The following TLK1 variants were observed in gnomAD, a reference collection of about 807,000 sequenced individuals.
TLK1 encodes the protein serine/threonine-protein kinase tousled-like 1.
Under a neutral mutation model 105.3 loss-of-function variants are expected in TLK1, and 24 were observed. That is an observed-to-expected ratio of 0.23 (90% CI 0.17 to 0.32). The LOEUF (loss-of-function observed/expected upper bound fraction) is 0.32. TLK1 is among the 10% of genes least tolerant of loss of function. The pLI is 1.00. For synonymous variants in TLK1, 321 were observed against 310.4 expected (o/e 1.03, Z -0.36); for missense variants, 558 against 910.5 (o/e 0.61, Z 4.98).
chr2:171,167,523 A>G (rs1033572632), intron 1 of TLK1, among the ~76,000 whole-genome samples: 1 of 152,222 alleles, frequency 6.6e-6, no homozygotes, highest in Non-Finnish European at 1.5e-5. Context: ...TCATTGCACA[A>G]TTCACAAAAC....
At position 171,022,100 on chromosome 2, in the gene TLK1, C is replaced by CAG. The variant is rs1553605642; in HGVS notation, c.1236+6238_1236+6239insCT. Among the ~76,000 whole-genome samples the CAG allele has an allele frequency of 6.4e-3, 957 of 150,546 alleles. 7 individuals carry two copies. Among genetic ancestry groups the CAG allele is most frequent in the South Asian group, 0.018 (83 of 4,702 alleles). On this transcript the variant is annotated intron_variant, in intron 12 of 20. Transcript: ENST00000431350. ...CCTGGGCGAAAAACACACACACACA[C>CAG]ACACACACACACACACACACACACA...
intron 11 of TLK1, among the ~76,000 whole-genome samples, chr2:171,031,163 A>C (rs528422436): frequency 3.3e-5 from 5 of 152,324 alleles, no homozygotes; most frequent in African/African-American, 9.6e-5. Context: ...CCCAAATGAC[A>C]AAAGAGCCAT....
At chr2:171,062,891 C>T (rs914427185) in intron 3 of TLK1, among the ~76,000 whole-genome samples, 10 of 152,124 alleles carry the variant, frequency 6.6e-5, no homozygotes, top group African/African-American at 2.4e-4. Context: ...CCTAACTGGC[C>T]ATCTACTCAG....
chr2:171,201,877 C>T (rs1226793804), intron 1 of TLK1, among the ~76,000 whole-genome samples: 2 of 152,094 alleles, frequency 1.3e-5, no homozygotes, highest in Middle Eastern at 3.4e-3. Context: ...TGAACTTAGC[C>T]TAAGACCATT....
At chr2:171,106,199 G>C (rs921502461) in intron 2 of TLK1, among the ~76,000 whole-genome samples, 5 of 152,158 alleles carry the variant, frequency 3.3e-5, no homozygotes, top group Admixed American at 6.5e-5. Context: ...GTAGGCGGGA[G>C]GGGACAGCCA....
chr2:171,108,728 C>A (rs1000280659), intron 2 of TLK1, among the ~76,000 whole-genome samples: 1 of 151,968 alleles, frequency 6.6e-6, no homozygotes, highest in Non-Finnish European at 1.5e-5. Context: ...CTCAGCCTCC[C>A]AAGAAGCTGG....
At chr2:171,208,115 C>CTTTTT (rs1333415997) in intron 1 of TLK1, among the ~76,000 whole-genome samples, 7 of 152,088 alleles carry the variant, frequency 4.6e-5, no homozygotes, top group Admixed American at 1.3e-4. Flanking sequence ...ATTTAGTCTT[C>CTTTTT]TTTTTTCTTT....
intron 3 of TLK1, among the ~76,000 whole-genome samples, chr2:171,069,523 A>G (rs1688156059): frequency 6.6e-6 from 1 of 152,212 alleles, no homozygotes. Context: ...GTAGATATCT[A>G]ATGTACAGAG....
intron 1 of TLK1, among the ~76,000 whole-genome samples, chr2:171,130,552 A>G (rs1023241807): frequency 1.3e-5 from 2 of 152,180 alleles, no homozygotes; most frequent in African/African-American, 2.4e-5. Context: ...ATGTTTACTT[A>G]CTAAGTCCCA....
chr2:171,179,606 T>G (rs1363993528), intron 1 of TLK1, among the ~76,000 whole-genome samples: 1 of 152,200 alleles, frequency 6.6e-6, no homozygotes, highest in Non-Finnish European at 1.5e-5. Flanking sequence ...GCAGACAGTA[T>G]TTGTTCTATT....
chr2:171,213,900 T>C (rs539137216), intron 1 of TLK1, among the ~76,000 whole-genome samples: 113 of 146,864 alleles, frequency 7.7e-4, no homozygotes, highest in African/African-American at 2.6e-3. Flanking sequence ...TTAAAAAAAA[T>C]TTTTTTTTTA....
chr2:171,003,195 A>C (rs1254935058), intron 18 of TLK1, among the ~76,000 whole-genome samples: 1 of 137,796 alleles, frequency 7.3e-6, no homozygotes, highest in Non-Finnish European at 1.5e-5. Context: ...AAGGGTGTGG[A>C]CCCGGGAGGC....
At chr2:171,014,483 C>A (rs1248495316) in intron 13 of TLK1, among the ~76,000 whole-genome samples, 3 of 151,848 alleles carry the variant, frequency 2.0e-5, no homozygotes, top group Admixed American at 6.6e-5. Context: ...TATAGGTGAG[C>A]ACCACTGGGC....
intron 2 of TLK1, among the ~76,000 whole-genome samples, chr2:171,108,080 C>CAA (rs1491412460): frequency 1.6e-4 from 10 of 62,984 alleles, no homozygotes; most frequent in African/African-American, 4.9e-4. Context: ...ACAACAACAA[C>CAA]AACAACAAAA....
chr2:171,063,302 C>T (rs910406997), intron 3 of TLK1, among the ~76,000 whole-genome samples: 2 of 152,142 alleles, frequency 1.3e-5, no homozygotes, highest in Admixed American at 1.3e-4. Context: ...GCCAAGATCA[C>T]ACCACTGCAC....
rs1683762032 is a variant in TLK1 at position 170,991,024 on chromosome 2, G to GAGTC, written c.*2752_*2755dup. 1.3e-5 allele frequency: 2 copies of GAGTC among 151,482 alleles called. No homozygotes were observed. Among genetic ancestry groups the GAGTC allele is most frequent in the African/African-American group, 4.9e-5 (2 of 41,218 alleles). The allele number at this position is 151,482 out of a possible 1,614,324, so 9.4% of individuals were successfully genotyped here. A position where few individuals can be genotyped will look rare whatever the true frequency, so the allele number is the denominator to read the frequency against. On this transcript the variant is annotated 3_prime_UTR_variant, in exon 21 of 21. Transcript: ENST00000431350. Reference sequence around the variant, plus strand: ...AGTGTTTAAAAAAAAAAAAAAGATTGAGTCTTTATTTTTGAAAAACCACCA... The same window carrying GAGTC: ...AGTGTTTAAAAAAAAAAAAAAGATTGAGTCAGTCTTTATTTTTGAAAAACCACCA...
At chr2:171,105,149 C>CA (rs1428153966) in intron 2 of TLK1, among the ~76,000 whole-genome samples, 3 of 152,112 alleles carry the variant, frequency 2.0e-5, no homozygotes, top group Non-Finnish European at 4.4e-5. Flanking sequence ...CAAAAACAGA[C>CA]AAACTATTAT....
intron 8 of TLK1, among the ~76,000 whole-genome samples, chr2:171,050,577 TATA>T (rs992578449): frequency 6.6e-6 from 1 of 152,066 alleles, no homozygotes; most frequent in Non-Finnish European, 1.5e-5. Context: ...CTCTATCTCT[TATA>T]ATTAACAAAT....
intron 11 of TLK1, among the ~76,000 whole-genome samples, chr2:171,029,403 G>A (rs927319712): frequency 6.6e-6 from 1 of 152,212 alleles, no homozygotes; most frequent in Non-Finnish European, 1.5e-5. Flanking sequence ...GCTGAGGCAG[G>A]TGGATCACTG....
Sources: gnomAD v4.1 joint callset for allele counts (sites outside exome capture counted in the v4.1 genomes callset) on GRCh38, gnomAD v4.1.1 for gene constraint, MANE v1.5 for transcripts, NCBI Gene and HGNC (gene_info 2026-07-23, HGNC 2026-07-21) for gene names.